The following MLPH variants were observed in gnomAD, a reference collection of about 807,000 sequenced individuals.
MLPH encodes melanophilin.
Under a neutral mutation model 72.1 loss-of-function variants are expected in MLPH, and 51 were observed. That is an observed-to-expected ratio of 0.71 (90% CI 0.56 to 0.89). MLPH has a LOEUF of 0.89. Among genes scored for constraint, MLPH ranks in the 40% least tolerant of loss-of-function variants. The probability of loss-of-function intolerance (pLI) is 0.00; values close to 1 mark genes in which losing one functional copy is unlikely to be tolerated. For missense variants in MLPH, 743 were observed against 759.9 expected (o/e 0.98, Z 0.26); for synonymous variants, 301 against 310.1 (o/e 0.97, Z 0.31).
At chr2:237,516,063 G>C (rs188776229) in intron 4 of MLPH, among the ~76,000 whole-genome samples, 1 of 152,356 alleles carries the variant, frequency 6.6e-6, no homozygotes, top group Non-Finnish European at 1.5e-5. Flanking sequence ...ATGCACCAAT[G>C]CCTGCTTGTT....
At chr2:237,527,694 A>C (rs1309009633) in intron 8 of MLPH, 178 bp downstream of exon 8, 2 of 810,220 alleles carry the variant, frequency 2.5e-6, no homozygotes. Flanking sequence ...GAATTCACAT[A>C]ACAGAAAATT....
At chr2:237,509,551 T>C (rs2079846392) in intron 2 of MLPH, among the ~76,000 whole-genome samples, 1 of 152,222 alleles carries the variant, frequency 6.6e-6, no homozygotes, top group African/African-American at 2.4e-5. Context: ...ACAAAGACTT[T>C]ACCTTGTCAA....
intron 4 of MLPH, among the ~76,000 whole-genome samples, chr2:237,516,780 AATGGATGG>A (rs545327814): frequency 0.19 from 27,563 of 142,552 alleles, 3,182 homozygotes; most frequent in African/African-American, 0.33. Context: ...GGGAGAGATG[AATGGATGG>A]ATGGATGGAT....
chr2:237,511,135 C>T (rs2079891853), intron 4 of MLPH, 34 bp downstream of exon 4: 2 of 1,541,774 alleles, frequency 1.3e-6, no homozygotes, highest in Non-Finnish European at 1.8e-6. Flanking sequence ...GCTTTTTGTT[C>T]CCAGGCATTT....
At chr2:237,495,573 C>T (rs562192998) in intron 2 of MLPH, among the ~76,000 whole-genome samples, 5 of 152,306 alleles carry the variant, frequency 3.3e-5, no homozygotes, top group Admixed American at 2.6e-4. Context: ...CGCAACAAAC[C>T]GTTAGGTGAA....
Position 237,555,244 on chromosome 2 carries a change from T to C in MLPH, c.*1652T>C, listed in dbSNP as rs939902007. On this transcript the variant is annotated 3_prime_UTR_variant, in exon 16 of 16. Coordinates refer to ENST00000264605, the MANE Select transcript of MLPH (RefSeq NM_024101.7). ...GTGAGCCATGATCGCATCACTATACTCGAGCCTGGGCAACAGAGTGAGACC... is the reference window on the plus strand; with the variant it reads ...GTGAGCCATGATCGCATCACTATACCCGAGCCTGGGCAACAGAGTGAGACC... 2.0e-5 allele frequency: 3 copies of C among 152,202 alleles called. No homozygotes were observed. Among genetic ancestry groups the C allele is most frequent in the African/African-American group, 7.2e-5 (3 of 41,448 alleles). The allele number at this position is 152,202 out of a possible 1,614,324, so 9.4% of individuals were successfully genotyped here.
intron 12 of MLPH, 136 bp from the exon 13 acceptor site, chr2:237,546,470 G>C: frequency 1.3e-6 from 1 of 756,982 alleles, no homozygotes; most frequent in East Asian, 2.7e-5. Context: ...CATACTGGGG[G>C]TGGCTGTGCA....
chr2:237,550,126 G>A (rs1247427675), intron 14 of MLPH, among the ~76,000 whole-genome samples: 1 of 152,174 alleles, frequency 6.6e-6, no homozygotes, highest in Non-Finnish European at 1.5e-5. Flanking sequence ...AGCGCACCAA[G>A]CAGGCACTTG....
intron 4 of MLPH, among the ~76,000 whole-genome samples, chr2:237,515,432 T>C (rs1246351976): frequency 6.6e-6 from 1 of 152,122 alleles, no homozygotes; most frequent in Non-Finnish European, 1.5e-5. Context: ...CTTGTGCCTC[T>C]GGGAGTGAAA....
At chr2:237,506,565 G>A (rs1258525019) in intron 2 of MLPH, among the ~76,000 whole-genome samples, 1 of 152,308 alleles carries the variant, frequency 6.6e-6, no homozygotes, top group East Asian at 1.9e-4. Flanking sequence ...CAGGGGGTAC[G>A]TGACTGGGGG....
intron 1 of MLPH, among the ~76,000 whole-genome samples, chr2:237,489,656 CAGAG>C (rs1330227072): frequency 6.6e-6 from 1 of 152,182 alleles, no homozygotes; most frequent in Non-Finnish European, 1.5e-5. Flanking sequence ...GGCTCTGAGT[CAGAG>C]AGAGCATTCC....
At chr2:237,492,957 T>C (rs954649932) in intron 1 of MLPH, among the ~76,000 whole-genome samples, 2 of 152,216 alleles carry the variant, frequency 1.3e-5, no homozygotes, top group East Asian at 1.9e-4. Flanking sequence ...GAGCTGACTA[T>C]GAATTTGCTG....
At chr2:237,536,037 C>A (rs1382892234) in intron 9 of MLPH, among the ~76,000 whole-genome samples, 2 of 152,212 alleles carry the variant, frequency 1.3e-5, no homozygotes, top group African/African-American at 4.8e-5. Context: ...GTTCCAACAG[C>A]TTTAAGTTTG....
rs545532925 is a variant in MLPH at position 237,491,115 on chromosome 2, G to A, written c.-24-2288G>A. On this transcript the variant is annotated intron_variant, in intron 1 of 15. Coordinates refer to ENST00000264605, the MANE Select transcript of MLPH (RefSeq NM_024101.7). ...CTCTTGTGCAACAAAATCGAAGTAC[G>A]TCTCCAGCACAGGGGGAGTTTTGTT... is the stretch of plus-strand genomic sequence containing the variant. 2.6e-5 allele frequency among the ~76,000 whole-genome samples: 4 copies of A among 152,286 alleles called. No individual in the cohort carries two copies. In the East Asian group the frequency reaches 5.8e-4, roughly 22 times the overall value.
In MLPH at chr2:237,517,406, A is replaced by T. The variant is rs183694703; in HGVS notation, c.446-1133A>T. Among the ~76,000 whole-genome samples the T allele has an allele frequency of 6.1e-3, 862 of 140,260 alleles. 3 individuals carry two copies. The highest frequency in any genetic ancestry group is 0.02 in the Middle Eastern group (4 of 198). 92.0% of individuals were successfully genotyped at this position (140,260 alleles called of 152,430 possible). A position where few individuals can be genotyped will look rare whatever the true frequency, so the allele number is the denominator to read the frequency against. On this transcript the variant is annotated intron_variant, in intron 4 of 15. Coordinates refer to ENST00000264605, the MANE Select transcript of MLPH (RefSeq NM_024101.7). Reference sequence around the variant, plus strand: ...GGGCAGATAAGGTGGTAGGTGGGTCAATGGATGGATGGGTGGGTGAGTGGA... The same window carrying T: ...GGGCAGATAAGGTGGTAGGTGGGTCTATGGATGGATGGGTGGGTGAGTGGA...
rs1458899940 is a variant in MLPH at position 237,541,089 on chromosome 2, G to A, written c.1446+132G>A. The A allele has an allele frequency of 1.6e-6, 2 of 1,228,258 alleles. No individual in the cohort carries two copies. The highest frequency in any genetic ancestry group is 1.2e-6 in the Non-Finnish European group (1 of 857,150). The allele number at this position is 1,228,258 out of a possible 1,614,324, so 76.1% of individuals were successfully genotyped here. On this transcript the variant is annotated intron_variant, in intron 11 of 15. Coordinates refer to ENST00000264605, the MANE Select transcript of MLPH (RefSeq NM_024101.7). This position sits in a 1 kb window ranked among gnomAD's most constrained non-coding sequence, Gnocchi z 5.1. ...CCCTCCCCATTGGCCCAGCATGCAC[G>A]GCTCTGAAGGCCAGGCATGAACCTG...
rs2081092692 is a variant in MLPH at position 237,554,387 on chromosome 2, A to T, written c.*795A>T. 1 of 157,574 alleles carries T rather than the reference A, an allele frequency of 6.3e-6. No homozygotes were observed. The highest frequency in any genetic ancestry group is 2.4e-5 in the African/African-American group (1 of 41,610). The allele number at this position is 157,574 out of a possible 1,614,324, so 9.8% of individuals were successfully genotyped here. ...CAGTGGATCCAGTGGGGCAGAGGAC[A>T]GAGGGTCACAACCAATGAGGGATGT... is the stretch of plus-strand genomic sequence containing the variant. On this transcript the variant is annotated 3_prime_UTR_variant, in exon 16 of 16. Coordinates refer to ENST00000264605, the MANE Select transcript of MLPH (RefSeq NM_024101.7).
rs184844758 is a variant in MLPH at position 237,515,561 on chromosome 2, G to A, written c.446-2978G>A. On this transcript the variant is annotated intron_variant, in intron 4 of 15. Coordinates refer to ENST00000264605, the MANE Select transcript of MLPH (RefSeq NM_024101.7). ...TGTCTAAAACAGAAACCACGCGGTC[G>A]TTTCACATAAGGAACTGGTTGAAAT... Among the ~76,000 whole-genome samples the A allele has an allele frequency of 3.7e-4, 56 of 152,308 alleles. 1 individual carries two copies. Among genetic ancestry groups the A allele is most frequent in the African/African-American group, 1.3e-3 (52 of 41,566 alleles).
rs370629140 is a variant in MLPH, at chr2:237,510,845, C to T, written c.332+50C>T. On this transcript the variant is annotated intron_variant, in intron 3 of 15. Transcript: ENST00000264605. The surrounding 1 kb of genome is among the most constrained non-coding windows in gnomAD (Gnocchi z 4.4). The stretch of plus-strand genomic sequence containing the variant: ...TGACCTTGATAGTTTCTGGATCTGG[C>T]GTGTCCCTTCCATGGGGCTAGCTGA... 84 of 1,602,968 alleles carry T rather than the reference C, an allele frequency of 5.2e-5. No homozygotes were observed. The highest frequency in any genetic ancestry group is 1.8e-4 in the Admixed American group (11 of 59,968).
Sources: gnomAD v4.1 joint callset for allele counts (sites outside exome capture counted in the v4.1 genomes callset) on GRCh38, gnomAD v4.1.1 for gene constraint, Gnocchi (gnomAD v3.1) non-coding constraint, MANE v1.5 for transcripts, NCBI Gene and HGNC (gene_info 2026-07-23, HGNC 2026-07-21) for gene names.